ERCC6L2: variants seen among roughly 807,000 people sequenced by gnomAD.
ERCC6L2 encodes ERCC excision repair 6 like 2, also known as DNA excision repair protein ERCC-6-like 2.
Under a neutral mutation model 132.0 loss-of-function variants are expected in ERCC6L2, and 77 were observed. The ratio of observed to expected loss-of-function variants is 0.58; its 90% CI spans 0.49 to 0.71. The LOEUF is 0.71. ERCC6L2 is among the 30% of genes least tolerant of loss of function. The probability of loss-of-function intolerance (pLI) is 0.00; values close to 1 mark genes in which losing one functional copy is unlikely to be tolerated. For synonymous variants in ERCC6L2, 583 were observed against 632.4 expected, an observed-to-expected ratio of 0.92 and a Z score of 1.17; for missense variants, 1,542 against 1,837.6, an observed-to-expected ratio of 0.84 and a Z score of 2.94.
At chr9:96,001,417 C>T (rs1248463461) in intron 17 of ERCC6L2, among the ~76,000 whole-genome samples, 1 of 152,154 alleles carries the variant, frequency 6.6e-6, no homozygotes, top group Non-Finnish European at 1.5e-5. Flanking sequence ...TCCACGTCCC[C>T]ATCAGATTAG....
intron 12 of ERCC6L2, among the ~76,000 whole-genome samples, chr9:95,946,372 T>A (rs557406836): frequency 6.6e-6 from 1 of 151,796 alleles, no homozygotes; most frequent in Non-Finnish European, 1.5e-5. Context: ...AGTAAAAATA[T>A]CAAAAATTAG....
chr9:95,880,163 A>AT (rs1368265853), intron 1 of ERCC6L2, among the ~76,000 whole-genome samples: 1 of 152,194 alleles, frequency 6.6e-6, no homozygotes, highest in Non-Finnish European at 1.5e-5. Context: ...TAAAGTAAAT[A>AT]TTCAAAACCC....
chr9:95,889,048 A>T lies in ERCC6L2; in HGVS notation c.471+7755A>T, dbSNP rs574068241. On this transcript the variant is annotated intron_variant, in intron 2 of 18. Transcript: ENST00000653738. ...TTAAGAGGTAGTGTAGATGATTTAA[A>T]TGAGATACAAAGATTTTTAAAAATC... Among the ~76,000 whole-genome samples the T allele has an allele frequency of 5.3e-5, 8 of 152,000 alleles. No individual in the cohort carries two copies. The East Asian group carries it at 1.2e-3, about 22-fold the overall frequency.
At chr9:95,902,632 G>T (rs1828837194) in intron 3 of ERCC6L2, among the ~76,000 whole-genome samples, 1 of 152,058 alleles carries the variant, frequency 6.6e-6, no homozygotes, top group Non-Finnish European at 1.5e-5. Flanking sequence ...ATTACTTTTT[G>T]ATAACTGGAG....
At chr9:96,019,667 C>T (rs1834250341), downstream of ERCC6L2, 1 of 152,462 alleles carries the variant, frequency 6.6e-6, no homozygotes, top group South Asian at 2.1e-4. Context: ...TTCCCCTACT[C>T]CACATTGGGG....
chr9:95,933,861 AAAAG>A (rs1427699701), intron 11 of ERCC6L2, among the ~76,000 whole-genome samples: 1 of 151,892 alleles, frequency 6.6e-6, no homozygotes, highest in Non-Finnish European at 1.5e-5. Context: ...AAAAAAAAAA[AAAAG>A]AAGTCTTGAG....
rs1832473876 is a variant in ERCC6L2 at position 95,972,683 on chromosome 9, G to A, written c.2932G>A (p.Asp978Asn). 3 of 1,300,120 alleles carry A rather than the reference G, an allele frequency of 2.3e-6. No homozygotes were observed. The South Asian group carries it at 3.7e-5, about 16-fold the overall frequency. The allele number at this position is 1,300,120 out of a possible 1,614,324, so 80.5% of individuals were successfully genotyped here. A position where few individuals can be genotyped will look rare whatever the true frequency, so the allele number is the denominator to read the frequency against. Residue 978 changes from aspartate (D) to asparagine (N), a missense_variant, in exon 16 of 19, where the codon GAT becomes AAT. By Grantham distance (23) the Asp-to-Asn change is conservative. Transcript: ENST00000653738. ...KSILKRKGTS[D>N]ISDESDDIEI... ...TATTTTGAAAAGAAAAGGCACCAGT[G>A]ATATCAGTGATGAATCTGATGACAT...
At chr9:95,909,359 G>T (rs887787652) in intron 4 of ERCC6L2, among the ~76,000 whole-genome samples, 1 of 152,126 alleles carries the variant, frequency 6.6e-6, no homozygotes, top group Non-Finnish European at 1.5e-5. Flanking sequence ...GTAGTATACT[G>T]ACTCCTAGTT....
intron 17 of ERCC6L2, among the ~76,000 whole-genome samples, chr9:95,993,532 C>G (rs547994700): frequency 3.3e-5 from 5 of 152,160 alleles, no homozygotes; most frequent in Non-Finnish European, 5.9e-5. Flanking sequence ...CCTGCTCCCC[C>G]CAATGCTGCC....
chr9:95,950,230 T>C (rs1331926061), intron 12 of ERCC6L2, among the ~76,000 whole-genome samples: 1 of 152,144 alleles, frequency 6.6e-6, no homozygotes, highest in African/African-American at 2.4e-5. Context: ...TATAAATCTA[T>C]GTTGACAAGT....
chr9:95,927,992 T>C, intron 9 of ERCC6L2, 87 bp from the exon 10 acceptor site: 1 of 875,162 alleles, frequency 1.1e-6, no homozygotes, highest in Non-Finnish European at 1.9e-6. Context: ...GAAAATAATT[T>C]TAAAGAAATT....
At chr9:96,020,867 G>T (rs1189373519), downstream of ERCC6L2, 1 of 456,736 alleles carries the variant, frequency 2.2e-6, no homozygotes, top group South Asian at 1.5e-5. Flanking sequence ...GGGCTGTTTG[G>T]TGCGGAGGTT....
At chr9:95,959,830 C>T (rs539510521) in intron 13 of ERCC6L2, among the ~76,000 whole-genome samples, 1 of 151,332 alleles carries the variant, frequency 6.6e-6, no homozygotes, top group East Asian at 1.9e-4. Context: ...TGTAAGGAGT[C>T]CTAAAAGACA....
At chr9:95,988,980 A>T (rs1833196330) in intron 17 of ERCC6L2, among the ~76,000 whole-genome samples, 1 of 152,178 alleles carries the variant, frequency 6.6e-6, no homozygotes, top group Non-Finnish European at 1.5e-5. Context: ...CAGCTCACAG[A>T]ACTCAAGGAA....
At chr9:95,915,593 A>C (rs971144704) in intron 4 of ERCC6L2, 75 bp from the exon 5 acceptor site, 4 of 1,409,548 alleles carry the variant, frequency 2.8e-6, no homozygotes, top group Non-Finnish European at 3.8e-6. Context: ...TGATAGAGAA[A>C]GCTACTGTCT....
At chr9:95,888,529 A>G (rs899212500) in intron 2 of ERCC6L2, among the ~76,000 whole-genome samples, 2 of 152,196 alleles carry the variant, frequency 1.3e-5, no homozygotes, top group African/African-American at 4.8e-5. Context: ...CTTTGCAGAT[A>G]AGTTTTGTAA....
chr9:95,879,424 A>G (rs1454943657), intron 1 of ERCC6L2, among the ~76,000 whole-genome samples: 1 of 152,240 alleles, frequency 6.6e-6, no homozygotes, highest in East Asian at 1.9e-4. Flanking sequence ...AGGGTAGGCA[A>G]ACACATAATG....
chr9:95,920,057 A>G (rs1433315468), intron 6 of ERCC6L2, among the ~76,000 whole-genome samples: 6 of 152,230 alleles, frequency 3.9e-5, no homozygotes, highest in Non-Finnish European at 8.8e-5. Context: ...CTTCTATGAT[A>G]TGGGCACTGA....
Position 96,015,027 on chromosome 9 carries a change from T to TTTTG in ERCC6L2, c.*1827_*1828insGTTT, listed in dbSNP as rs1554763610. Among the ~76,000 whole-genome samples, 1 of 122,866 alleles carries TTTTG rather than the reference T, an allele frequency of 8.1e-6. No individual in the cohort carries two copies. The highest frequency in any genetic ancestry group is 3.8e-5 in the African/African-American group (1 of 26,160). 80.6% of individuals were successfully genotyped at this position (122,866 alleles called of 152,430 possible). A position where few individuals can be genotyped will look rare whatever the true frequency, so the allele number is the denominator to read the frequency against. On this transcript the variant is annotated 3_prime_UTR_variant, in exon 19 of 19. Transcript: ENST00000653738. ...TCATATATGTACAGTTTTTTTTTTT[T>TTTTG]TTTTTTTTTTTTTGAGATTGAGTCT...
Sources: allele counts gnomAD v4.1 joint callset (sites outside exome capture counted in the v4.1 genomes callset), GRCh38; gene constraint gnomAD v4.1.1; transcripts MANE v1.5; gene names NCBI Gene and HGNC (gene_info 2026-07-23, HGNC 2026-07-21).